Variants in GDA observed in about 807,000 individuals in gnomAD.
GDA encodes guanine deaminase, also known as cytoplasmic PSD-95 interactor.
A neutral mutation model predicts 59.6 loss-of-function variants in GDA; 18 were observed. The observed-to-expected ratio is 0.30, with a 90% CI of 0.21 to 0.45. The LOEUF is 0.45. GDA is among the 20% of genes least tolerant of loss of function. GDA has a pLI of 1.00. For synonymous variants in GDA, 201 were observed against 201.1 expected (o/e 1.00, Z 0.00); for missense variants, 427 against 552.3 (o/e 0.77, Z 2.27).
At position 72,248,445 on chromosome 9, in the gene GDA, G is replaced by T; in HGVS notation, c.*103G>T. The T allele has an allele frequency of 6.4e-7, 1 of 1,563,640 alleles. No homozygotes were observed. The highest frequency in any genetic ancestry group is 8.7e-7 in the Non-Finnish European group (1 of 1,155,322). On this transcript the variant is annotated 3_prime_UTR_variant, in exon 14 of 14. Transcript: ENST00000358399. ...GTCAAAAAATAGTACCTTGTTCTTG[G>T]GATGACTATCCCTTTCTGTGTCTAG...
chr9:72,182,770 T>G (rs1831409664), intron 1 of GDA, among the ~76,000 whole-genome samples: 1 of 152,238 alleles, frequency 6.6e-6, no homozygotes, highest in Non-Finnish European at 1.5e-5. Flanking sequence ...GTGTAATTTC[T>G]TCCACATATA....
intron 1 of GDA, among the ~76,000 whole-genome samples, chr9:72,133,085 T>C (rs1300374662): frequency 1.3e-5 from 2 of 151,476 alleles, no homozygotes; most frequent in African/African-American, 4.9e-5. Context: ...GGTCAGGAGA[T>C]CAAGACCATC....
chr9:72,142,184 T>C (rs1372530442), intron 1 of GDA, among the ~76,000 whole-genome samples: 1 of 152,214 alleles, frequency 6.6e-6, no homozygotes, highest in Admixed American at 6.5e-5. Context: ...TTTTGGTCTT[T>C]GATGAATGAG....
chr9:72,178,755 T>C (rs887993782), intron 1 of GDA, among the ~76,000 whole-genome samples: 1 of 152,174 alleles, frequency 6.6e-6, no homozygotes, highest in Admixed American at 6.5e-5. Context: ...CTGTGCTGCT[T>C]ATTTTAAGCT....
chr9:72,248,392 C>G lies in GDA; in HGVS notation c.*50C>G, dbSNP rs1301851316. ...TCCTGGGATTAGCGTGGTTCTGCATCTCCCTTGTGCCCAGGTGGAGTTAGA... is the reference window on the plus strand; with the variant it reads ...TCCTGGGATTAGCGTGGTTCTGCATGTCCCTTGTGCCCAGGTGGAGTTAGA... On this transcript the variant is annotated 3_prime_UTR_variant, in exon 14 of 14. Coordinates refer to ENST00000358399, the MANE Select transcript of GDA (RefSeq NM_004293.5). 6.2e-7 allele frequency: 1 copy of G among 1,610,880 alleles called. No homozygotes were observed. The highest frequency in any genetic ancestry group is 8.5e-7 in the Non-Finnish European group (1 of 1,178,810).
intron 9 of GDA, chr9:72,229,088 C>A (rs370515524): frequency 6.7e-6 from 1 of 149,466 alleles, no homozygotes; most frequent in African/African-American, 2.5e-5. Context: ...CTAATCCCAG[C>A]ACTTTGGGAG....
chr9:72,160,811 G>A (rs184928618), intron 1 of GDA, among the ~76,000 whole-genome samples: 1 of 152,270 alleles, frequency 6.6e-6, no homozygotes, highest in African/African-American at 2.4e-5. Flanking sequence ...AACCTTCCAC[G>A]TTGTTAAATT....
chr9:72,188,269 C>T (rs1425273651), intron 1 of GDA, among the ~76,000 whole-genome samples: 2 of 152,196 alleles, frequency 1.3e-5, no homozygotes, highest in Non-Finnish European at 2.9e-5. Flanking sequence ...TTTCAGAGAT[C>T]TTTGAGGCTG....
At chr9:72,165,727 G>A (rs1178291352) in intron 1 of GDA, among the ~76,000 whole-genome samples, 3 of 151,862 alleles carry the variant, frequency 2.0e-5, no homozygotes. Context: ...GTGAAACCCC[G>A]TCTCTACTAA....
At chr9:72,229,227 T>C in intron 9 of GDA, 1 of 156,846 alleles carries the variant, frequency 6.4e-6, no homozygotes, top group Admixed American at 6.8e-5. Flanking sequence ...GGCGGGCGCC[T>C]GTAGTCCCAG....
intron 1 of GDA, among the ~76,000 whole-genome samples, chr9:72,127,423 G>A (rs1194329391): frequency 6.6e-6 from 1 of 151,994 alleles, no homozygotes; most frequent in African/African-American, 2.4e-5. Flanking sequence ...CGGATCATGA[G>A]GTCAAGCGAT....
At position 72,248,465 on chromosome 9, in the gene GDA, G is replaced by C; in HGVS notation, c.*123G>C. On this transcript the variant is annotated 3_prime_UTR_variant, in exon 14 of 14. Coordinates refer to ENST00000358399, the MANE Select transcript of GDA (RefSeq NM_004293.5). Reference sequence around the variant, plus strand: ...TCTTGGGATGACTATCCCTTTCTGTGTCTAGTTACAGTATTCACTTGACAA... The same window carrying C: ...TCTTGGGATGACTATCCCTTTCTGTCTCTAGTTACAGTATTCACTTGACAA... 1 of 1,512,256 alleles carries C rather than the reference G, an allele frequency of 6.6e-7. No homozygotes were observed. The highest frequency in any genetic ancestry group is 2.4e-5 in the East Asian group (1 of 42,256). The allele number at this position is 1,512,256 out of a possible 1,614,324, so 93.7% of individuals were successfully genotyped here. A position where few individuals can be genotyped will look rare whatever the true frequency, so the allele number is the denominator to read the frequency against.
intron 1 of GDA, among the ~76,000 whole-genome samples, chr9:72,136,692 G>A (rs1201373371): frequency 6.6e-6 from 1 of 152,058 alleles, no homozygotes; most frequent in Non-Finnish European, 1.5e-5. Context: ...ATATACATAT[G>A]AGGCTGGGCA....
intron 7 of GDA, among the ~76,000 whole-genome samples, chr9:72,224,607 A>C (rs1241503725): frequency 1.3e-5 from 2 of 152,014 alleles, no homozygotes; most frequent in Non-Finnish European, 2.9e-5. Context: ...TAGCTCAGCT[A>C]TTTTCAAACT....
At chr9:72,199,950 A>G (rs1451897329) in intron 2 of GDA, among the ~76,000 whole-genome samples, 2 of 150,968 alleles carry the variant, frequency 1.3e-5, no homozygotes, top group Admixed American at 6.6e-5. Flanking sequence ...GGCATCGCCA[A>G]CTTCTAGAGT....
chr9:72,208,484 ATCT>A (rs148687447), intron 3 of GDA, among the ~76,000 whole-genome samples: 2,503 of 152,116 alleles, frequency 0.016, 56 homozygotes, highest in African/African-American at 0.057. Context: ...TTTCTTGAAG[ATCT>A]TCTCACCTCC....
chr9:72,160,796 T>A (rs146352962), intron 1 of GDA, among the ~76,000 whole-genome samples: 1 of 152,370 alleles, frequency 6.6e-6, no homozygotes, highest in East Asian at 1.9e-4. Context: ...GCTGACTGTT[T>A]GCCCAACCTT....
intron 1 of GDA, among the ~76,000 whole-genome samples, chr9:72,117,452 C>T (rs1437428542): frequency 1.3e-5 from 2 of 151,968 alleles, no homozygotes; most frequent in East Asian, 3.9e-4. Context: ...AGACTGAATT[C>T]AGAGAGGTGA....
chr9:72,220,224 TA>T (rs545616479), intron 6 of GDA, among the ~76,000 whole-genome samples: 49 of 152,250 alleles, frequency 3.2e-4, no homozygotes, highest in Admixed American at 3.1e-3. Context: ...TTGTGAAATC[TA>T]AAAAAAGTCA....
Sources: allele counts gnomAD v4.1 joint callset (sites outside exome capture counted in the v4.1 genomes callset), GRCh38; gene constraint gnomAD v4.1.1; transcripts MANE v1.5; gene names NCBI Gene and HGNC (gene_info 2026-07-23, HGNC 2026-07-21).